The following KANK1 variants were observed in gnomAD, a reference collection of about 807,000 sequenced individuals.
The protein encoded by KANK1 is KN motif and ankyrin repeat domains 1.
A neutral mutation model predicts 106.2 loss-of-function variants in KANK1; 109 were observed. The ratio of observed to expected loss-of-function variants is 1.03; its 90% confidence interval spans 0.88 to 1.20. KANK1 has a LOEUF of 1.20. Ranked by LOEUF, KANK1 falls within the 50% of genes most tolerant of loss-of-function variation. The probability of loss-of-function intolerance (pLI) is 0.00; values close to 1 mark genes in which losing one functional copy is unlikely to be tolerated. For synonymous variants in KANK1, 873 were observed against 652.2 expected (o/e 1.34, Z -5.16); for missense variants, 2,399 against 1,710.7 (o/e 1.40, Z -7.10).
intron 2 of KANK1, among the ~76,000 whole-genome samples, chr9:693,173 G>C (rs1252263165): frequency 1.3e-5 from 2 of 152,136 alleles, no homozygotes; most frequent in African/African-American, 4.8e-5. Flanking sequence ...TATGGTTTAC[G>C]AATGGTGATT....
In KANK1 at chr9:711,957, G is replaced by T. The variant is rs754254950; in HGVS notation, c.1191G>T (p.Glu397Asp). The T allele has an allele frequency of 1.5e-5, 25 of 1,614,068 alleles. No homozygotes were observed. The highest frequency in any genetic ancestry group is 5.1e-6 in the Non-Finnish European group (6 of 1,180,048). Residue 397 changes from glutamate to aspartate, a missense_variant, in exon 3 of 12, where the codon GAG becomes GAT. Glu to Asp is a conservative substitution (Grantham distance 45). Coordinates refer to ENST00000382297, the MANE Select transcript of KANK1 (RefSeq NM_015158.5). ...EASSELRENG[E>D]CRSVAVGAEE... ...CCTCAGAGCTCAGGGAGAATGGAGA[G>T]TGCCGGTCTGTGGCTGTGGGTGCCG...
chr9:713,003 C>T lies in KANK1; in HGVS notation c.2237C>T (p.Ser746Phe). 6.2e-7 allele frequency: 1 copy of T among 1,614,148 alleles called. No homozygotes were observed. Among genetic ancestry groups the T allele is most frequent in the Non-Finnish European group, 8.5e-7 (1 of 1,180,032 alleles). ...IGVGTLLSGH[S>F]GFDRPSAVKT... ...GTTGGAACGTTGCTTTCTGGCCATT[C>T]TGGGTTTGACAGGCCATCAGCTGTG... Residue 746 changes from serine to phenylalanine, a missense_variant, in exon 3 of 12, where the codon TCT (serine) becomes TTT (phenylalanine). Coordinates refer to ENST00000382297, the MANE Select transcript of KANK1 (RefSeq NM_015158.5).
chr9:541,591 A>G (rs1208765965), intron 1 of KANK1, among the ~76,000 whole-genome samples: 9 of 152,204 alleles, frequency 5.9e-5, no homozygotes, highest in Admixed American at 6.5e-5. Flanking sequence ...CCTCAAAAGT[A>G]TCACAGAAGC....
At chr9:676,547 T>C (rs1816448310) in intron 1 of KANK1, among the ~76,000 whole-genome samples, 1 of 152,242 alleles carries the variant, frequency 6.6e-6, no homozygotes, top group Non-Finnish European at 1.5e-5. Context: ...AAGGAAGATA[T>C]GCTTAAAAAC....
Position 518,189 on chromosome 9 carries a change from C to A in KANK1, c.-84+13435C>A, listed in dbSNP as rs948228613. ...CTTGAAGTTTATATAGTTTGTGAAT[C>A]ATTTTCTTGGGAACTTTTCAAAAGA... is the stretch of plus-strand genomic sequence containing the variant. On this transcript the variant is annotated intron_variant, in intron 1 of 11. Transcript: ENST00000382297. Among the ~76,000 whole-genome samples, 5 of 151,808 alleles carry A rather than the reference C, an allele frequency of 3.3e-5. 1 individual carries two copies. Among genetic ancestry groups the A allele is most frequent in the African/African-American group, 1.2e-4 (5 of 41,078 alleles).
intron 2 of KANK1, chr9:693,907 G>A: frequency 1.3e-6 from 1 of 785,076 alleles, no homozygotes; most frequent in Non-Finnish European, 1.5e-6. Flanking sequence ...CTTCAAGCTA[G>A]AAAGAATAAC....
At chr9:534,396 C>G (rs756412541) in intron 1 of KANK1, among the ~76,000 whole-genome samples, 33 of 152,144 alleles carry the variant, frequency 2.2e-4, no homozygotes, top group Non-Finnish European at 5.9e-5. Context: ...GTGGATTTCA[C>G]TATCAACAGA....
At chr9:543,903 T>G (rs1412620865) in intron 1 of KANK1, among the ~76,000 whole-genome samples, 1 of 152,234 alleles carries the variant, frequency 6.6e-6, no homozygotes, top group Non-Finnish European at 1.5e-5. Context: ...ATATCATATC[T>G]CTTTAATCCT....
At chr9:743,166 G>C (rs1369980609) in intron 10 of KANK1, among the ~76,000 whole-genome samples, 2 of 152,234 alleles carry the variant, frequency 1.3e-5, no homozygotes, top group African/African-American at 4.8e-5. Flanking sequence ...GTTTTTGAAA[G>C]TTTATCTCTG....
chr9:535,624 G>C (rs1025858093), intron 1 of KANK1, among the ~76,000 whole-genome samples: 3 of 152,210 alleles, frequency 2.0e-5, no homozygotes, highest in African/African-American at 7.2e-5. Context: ...CAGTACACCT[G>C]CTGAGTGACA....
At chr9:601,535 C>G (rs985676458) in intron 1 of KANK1, among the ~76,000 whole-genome samples, 4 of 151,766 alleles carry the variant, frequency 2.6e-5, no homozygotes, top group African/African-American at 9.7e-5. Flanking sequence ...GAAAGAAGAC[C>G]ACAAAAGCAA....
At chr9:669,514 T>G (rs199703529) in intron 1 of KANK1, among the ~76,000 whole-genome samples, 3 of 131,784 alleles carry the variant, frequency 2.3e-5, no homozygotes, top group African/African-American at 7.8e-5. Flanking sequence ...CAGGGTTTTT[T>G]GGGGTTTTTT....
In KANK1 at chr9:740,914, G is replaced by A. The variant is rs1481355941; in HGVS notation, c.3676G>A (p.Val1226Met). The change falls in exon 9 of 12, where the codon GTG (valine) becomes ATG (methionine). Residue 1226 changes from valine (V) to methionine (M), a missense_variant. Val to Met is a conservative substitution (Grantham distance 21). Coordinates refer to ENST00000382297, the MANE Select transcript of KANK1 (RefSeq NM_015158.5). ...GGAAGAACTCTTCGGCTGTGGGGAT[G>A]TGAATGCCAAAGCTAGTCAGGTTAG... ...IVEELFGCGD[V>M]NAKASQAGQT... 1.2e-6 allele frequency: 2 copies of A among 1,614,108 alleles called. No individual in the cohort carries two copies. Among genetic ancestry groups the A allele is most frequent in the Non-Finnish European group, 1.7e-6 (2 of 1,180,044 alleles).
chr9:659,211 C>T (rs1324429936), intron 1 of KANK1, among the ~76,000 whole-genome samples: 1 of 152,148 alleles, frequency 6.6e-6, no homozygotes, highest in Admixed American at 6.5e-5. Flanking sequence ...GTTAGGCTTC[C>T]TGGGGGATGT....
At chr9:608,648 G>C (rs1298437202) in intron 1 of KANK1, among the ~76,000 whole-genome samples, 1 of 152,112 alleles carries the variant, frequency 6.6e-6, no homozygotes, top group Non-Finnish European at 1.5e-5. Flanking sequence ...GACTGATTTG[G>C]TCAGTCTGTC....
chr9:563,084 A>G (rs80187237), intron 1 of KANK1, among the ~76,000 whole-genome samples: 11,842 of 152,250 alleles, frequency 0.078, 615 homozygotes, highest in Non-Finnish European at 0.11. Context: ...GATTAGATCA[A>G]GTACTCTTTT....
intron 1 of KANK1, among the ~76,000 whole-genome samples, chr9:554,326 A>G (rs1260959975): frequency 6.6e-6 from 1 of 152,196 alleles, no homozygotes; most frequent in African/African-American, 2.4e-5. Flanking sequence ...AGGAAAAGAT[A>G]GAAGTTCCAG....
In KANK1 at chr9:671,976, C is replaced by T. The variant is rs151309687; in HGVS notation, c.-83-4914C>T. ...AAAGAAAAAAAATTACATAAAATTC[C>T]GAGATGCAGCTTTCTTATCTAAAAA... is the stretch of plus-strand genomic sequence containing the variant. On this transcript the variant is annotated intron_variant, in intron 1 of 11. Coordinates refer to ENST00000382297, the MANE Select transcript of KANK1 (RefSeq NM_015158.5). Among the ~76,000 whole-genome samples, 382 of 152,184 alleles carry T rather than the reference C, an allele frequency of 2.5e-3. 4 individuals carry two copies. Among genetic ancestry groups the T allele is most frequent in the Non-Finnish European group, 4.1e-3 (277 of 67,990 alleles).
intron 1 of KANK1, among the ~76,000 whole-genome samples, chr9:626,670 A>G (rs915623221): frequency 2.0e-5 from 3 of 152,228 alleles, no homozygotes; most frequent in African/African-American, 4.8e-5. Flanking sequence ...GGTTACCACT[A>G]TTGCTGAAAA....
Sources: allele counts gnomAD v4.1 joint callset (sites outside exome capture counted in the v4.1 genomes callset), GRCh38; gene constraint gnomAD v4.1.1; transcripts MANE v1.5; gene names NCBI Gene and HGNC (gene_info 2026-07-23, HGNC 2026-07-21).